SOX5: variants seen among roughly 807,000 people sequenced by gnomAD.
The protein encoded by SOX5 is transcription factor SOX-5.
In SOX5, 9 loss-of-function variants were observed where a neutral mutation model predicts 92.0. The ratio of observed to expected loss-of-function variants is 0.10; its 90% CI spans 0.06 to 0.17. The LOEUF is 0.17. Ranked by LOEUF, SOX5 falls within the 10% of genes least tolerant of loss-of-function variation. The pLI is 1.00. For missense variants in SOX5, 642 were observed against 944.5 expected (o/e 0.68, Z 4.20); for synonymous variants, 344 against 336.3 (o/e 1.02, Z -0.25).
intron 4 of SOX5, among the ~76,000 whole-genome samples, chr12:23,746,982 C>A (rs1000943545): frequency 6.6e-6 from 1 of 152,032 alleles, no homozygotes; most frequent in African/African-American, 2.4e-5. Flanking sequence ...ATGTTTAGTG[C>A]CTTTCACTTT....
intron 4 of SOX5, among the ~76,000 whole-genome samples, chr12:24,053,000 T>G (rs1211644931): frequency 6.6e-6 from 1 of 152,222 alleles, no homozygotes; most frequent in Non-Finnish European, 1.5e-5. Flanking sequence ...TATTGTTAGA[T>G]CATTTTCTGC....
intron 1 of SOX5, among the ~76,000 whole-genome samples, chr12:24,446,115 T>C: frequency 6.6e-6 from 1 of 152,178 alleles, no homozygotes; most frequent in East Asian, 1.9e-4. Context: ...CTTTAGGCAC[T>C]GAAGACACAG....
At chr12:24,048,535 C>T (rs886671920) in intron 4 of SOX5, among the ~76,000 whole-genome samples, 1 of 152,066 alleles carries the variant, frequency 6.6e-6, no homozygotes, top group African/African-American at 2.4e-5. Flanking sequence ...AAAACTTGTA[C>T]ATAAATGTTC....
At chr12:24,022,204 C>A (rs1307405783) in intron 4 of SOX5, among the ~76,000 whole-genome samples, 1 of 152,072 alleles carries the variant, frequency 6.6e-6, no homozygotes, top group Non-Finnish European at 1.5e-5. Context: ...CCTATTAAGG[C>A]TGTGAGAAAT....
chr12:24,405,401 G>A (rs1047993523), intron 1 of SOX5, among the ~76,000 whole-genome samples: 2 of 152,072 alleles, frequency 1.3e-5, no homozygotes, highest in African/African-American at 4.8e-5. Flanking sequence ...GAAAACTGTT[G>A]GCAAGGAAGG....
chr12:23,824,616 G>A (rs1021428682), intron 3 of SOX5, among the ~76,000 whole-genome samples: 2 of 152,200 alleles, frequency 1.3e-5, no homozygotes, highest in Non-Finnish European at 2.9e-5. Context: ...GAGGCAGTCT[G>A]CCGGGAGATC....
At chr12:23,623,766 C>T (rs2077442085) in intron 8 of SOX5, among the ~76,000 whole-genome samples, 2 of 152,130 alleles carry the variant, frequency 1.3e-5, no homozygotes, top group South Asian at 4.1e-4. Context: ...ACCTCACATC[C>T]ATTAGGATAA....
intron 3 of SOX5, among the ~76,000 whole-genome samples, chr12:23,758,625 T>C (rs535684497): frequency 9.2e-5 from 14 of 152,112 alleles, no homozygotes; most frequent in African/African-American, 3.4e-4. Context: ...TTCTACCTAT[T>C]GGATCCCAAA....
intron 8 of SOX5, among the ~76,000 whole-genome samples, chr12:23,606,380 T>C (rs771220415): frequency 3.3e-5 from 5 of 151,744 alleles, no homozygotes; most frequent in Non-Finnish European, 7.4e-5. Context: ...CTGGGTATTA[T>C]TACTAGAGGA....
At chr12:24,362,916 A>G (rs1466426385) in intron 2 of SOX5, among the ~76,000 whole-genome samples, 2 of 151,882 alleles carry the variant, frequency 1.3e-5, no homozygotes, top group East Asian at 1.9e-4. Context: ...CATTATACAT[A>G]TAATAAAGTG....
At chr12:23,578,568 T>C (rs1291963833) in intron 9 of SOX5, among the ~76,000 whole-genome samples, 7 of 152,162 alleles carry the variant, frequency 4.6e-5, no homozygotes, top group Admixed American at 4.6e-4. Flanking sequence ...TAATATTACC[T>C]CAGTGTTTAA....
intron 4 of SOX5, among the ~76,000 whole-genome samples, chr12:23,999,786 CA>C (rs888161929): frequency 6.6e-6 from 1 of 151,822 alleles, no homozygotes; most frequent in Non-Finnish European, 1.5e-5. Flanking sequence ...AGCTATCCTT[CA>C]AAAAATGAAG....
chr12:23,939,418 A>C (rs1943200972), intron 1 of SOX5, among the ~76,000 whole-genome samples: 1 of 151,096 alleles, frequency 6.6e-6, no homozygotes, highest in South Asian at 2.1e-4. Flanking sequence ...GAACAAGAGA[A>C]TAATACCCAT....
chr12:23,911,167 C>T (rs1305418007), intron 1 of SOX5, among the ~76,000 whole-genome samples: 1 of 151,942 alleles, frequency 6.6e-6, no homozygotes, highest in East Asian at 1.9e-4. Flanking sequence ...TATTTAAACT[C>T]ACCTCCTTAC....
intron 2 of SOX5, among the ~76,000 whole-genome samples, chr12:24,361,568 T>C (rs900934790): frequency 2.0e-5 from 3 of 149,002 alleles, no homozygotes; most frequent in African/African-American, 7.3e-5. Context: ...TATTCTGCAC[T>C]GAAACAAACA....
chr12:24,495,821 T>C (rs1296849601), intron 1 of SOX5, among the ~76,000 whole-genome samples: 1 of 152,182 alleles, frequency 6.6e-6, no homozygotes, highest in Non-Finnish European at 1.5e-5. Context: ...GAGGGTGTGG[T>C]ACGCAAGGAA....
chr12:24,335,977 A>ATATATATATATATATATG (rs1311520162), intron 2 of SOX5, among the ~76,000 whole-genome samples: 1 of 139,940 alleles, frequency 7.1e-6, no homozygotes, highest in Non-Finnish European at 1.5e-5. Flanking sequence ...GCTATCATAT[A>ATATATATATATATATATG]TATATATATA....
intron 1 of SOX5, among the ~76,000 whole-genome samples, chr12:24,516,690 C>G (rs77483002): frequency 0.033 from 4,958 of 152,210 alleles, 111 homozygotes; most frequent in South Asian, 0.056. Flanking sequence ...ATTATATAGT[C>G]TGAGTTACAA....
intron 8 of SOX5, among the ~76,000 whole-genome samples, chr12:23,633,357 T>A (rs772994579): frequency 6.6e-6 from 1 of 152,174 alleles, no homozygotes; most frequent in African/African-American, 2.4e-5. Flanking sequence ...GTTGCCATCA[T>A]TTGATCTTAT....
Sources: gnomAD v4.1 joint callset for allele counts (sites outside exome capture counted in the v4.1 genomes callset) on GRCh38, gnomAD v4.1.1 for gene constraint, MANE v1.5 for transcripts, NCBI Gene and HGNC (gene_info 2026-07-23, HGNC 2026-07-21) for gene names.